Variants in LAMP2 observed in about 807,000 individuals in gnomAD.
The protein encoded by LAMP2 is lysosome-associated membrane glycoprotein 2.
A neutral mutation model predicts 25.6 loss-of-function variants in LAMP2; 4 were observed. The ratio of observed to expected loss-of-function variants is 0.16; its 90% CI spans 0.08 to 0.36. The LOEUF is 0.36. LAMP2 is among the 10% of genes least tolerant of loss of function. The pLI is 1.00. For missense variants in LAMP2, 272 were observed against 301.4 expected, an observed-to-expected ratio of 0.90 and a Z score of 0.72; for synonymous variants, 108 against 112.7, an observed-to-expected ratio of 0.96 and a Z score of 0.27.
intron 8 of LAMP2, among the ~76,000 whole-genome samples, chrX:120,434,457 TTTAG>T (rs72078980): frequency 0.012 from 1,305 of 112,198 alleles, 21 homozygotes; most frequent in African/African-American, 0.04. Flanking sequence ...TTAAAAATTA[TTTAG>T]TTAATGGAAA....
At chrX:120,437,512 CA>C in intron 8 of LAMP2, 1 of 750,768 alleles carries the variant, frequency 1.3e-6, no homozygotes, top group Non-Finnish European at 1.6e-6. Flanking sequence ...CAACACACAC[CA>C]AAAAAGTTCT....
At chrX:120,462,567 C>T (rs911294601) in intron 1 of LAMP2, among the ~76,000 whole-genome samples, 14 of 108,903 alleles carry the variant, frequency 1.3e-4, no homozygotes, top group Non-Finnish European at 2.1e-4. Flanking sequence ...CCTTACTTCC[C>T]CAAGTGTATG....
At chrX:120,435,053 C>T (rs2058537404) in intron 8 of LAMP2, among the ~76,000 whole-genome samples, 1 of 111,272 alleles carries the variant, frequency 9.0e-6, no homozygotes, top group African/African-American at 3.3e-5. Flanking sequence ...TTGCTTGAAC[C>T]TGGGAGGCGG....
At chrX:120,443,494 G>A (rs865810448) in intron 6 of LAMP2, among the ~76,000 whole-genome samples, 59 of 112,081 alleles carry the variant, frequency 5.3e-4, no homozygotes, top group African/African-American at 1.8e-3. Context: ...TGCAATAGGT[G>A]CTGTTATCAT....
At position 120,428,801 on chromosome X, in the gene LAMP2, G is replaced by A. The variant is rs758046468; in HGVS notation, c.*2522C>T. 10 of 749,948 alleles carry A rather than the reference G, an allele frequency of 1.3e-5. No homozygotes were observed. In the Admixed American group the frequency reaches 7.2e-4, roughly 54 times the overall value. The allele number at this position is 749,948 out of a possible 1,213,427, so 61.8% of individuals were successfully genotyped here. On this transcript the variant is annotated 3_prime_UTR_variant, in exon 9 of 9. Coordinates refer to ENST00000200639, the MANE Select transcript of LAMP2 (RefSeq NM_002294.3). Reference sequence around the variant, plus strand: ...ATTATCACTTTATCTAAAATCACACGAAATTCCTCAGTACGAAAAGCAGAA... The same window carrying A: ...ATTATCACTTTATCTAAAATCACACAAAATTCCTCAGTACGAAAAGCAGAA...
rs777318951 is a variant in LAMP2, at chrX:120,459,016, T to G, written c.65-2247A>C. 7.1e-5 allele frequency among the ~76,000 whole-genome samples: 8 copies of G among 112,090 alleles called. No homozygotes were observed. The South Asian group carries it at 3.0e-3, about 42-fold the overall frequency. ...TTCCCATATGAAATTTAAATTCCTC[T>G]GCCTGACTTTCAAAGTAATCTTTAA... On this transcript the variant is annotated intron_variant, in intron 1 of 8. Transcript: ENST00000200639.
chrX:120,469,058 G>A, intron 1 of LAMP2, 48 bp downstream of exon 1: 1 of 1,154,442 alleles, frequency 8.7e-7, no homozygotes. Context: ...TTGAACTGGT[G>A]CCCCGGGCCC....
chrX:120,458,533 A>T (rs949937062), intron 1 of LAMP2, among the ~76,000 whole-genome samples: 1 of 111,731 alleles, frequency 9.0e-6, no homozygotes, highest in African/African-American at 3.3e-5. Flanking sequence ...GGGTTCTGGC[A>T]CACTCTGTTC....
intron 4 of LAMP2, among the ~76,000 whole-genome samples, 161 bp from the exon 5 acceptor site, chrX:120,448,186 G>T (rs1214819674): frequency 1.8e-5 from 2 of 112,308 alleles, no homozygotes; most frequent in Non-Finnish European, 3.8e-5. Flanking sequence ...TTAGGCAGAG[G>T]TTCTTAAACT....
chrX:120,443,766 G>A (rs2058584045), intron 6 of LAMP2, among the ~76,000 whole-genome samples: 1 of 111,786 alleles, frequency 8.9e-6, no homozygotes, highest in Non-Finnish European at 1.9e-5. Context: ...CAGACCATGA[G>A]GTCAGGAGAT....
chrX:120,463,388 A>G (rs1921399617), intron 1 of LAMP2, among the ~76,000 whole-genome samples: 1 of 112,223 alleles, frequency 8.9e-6, no homozygotes, highest in African/African-American at 3.2e-5. Flanking sequence ...GGGTAAGGAA[A>G]CAAGATTCAA....
In LAMP2 at chrX:120,428,877, T is replaced by A. The variant is rs992912231; in HGVS notation, c.*2446A>T. ...AAAATAGAGAATTGCGCTTGCCTAA[T>A]ATGGGAAGACTTTAGGTTTGATTAT... On this transcript the variant is annotated 3_prime_UTR_variant, in exon 9 of 9. Transcript: ENST00000200639. The A allele has an allele frequency of 8.0e-6, 6 of 749,797 alleles. No homozygotes were observed. The East Asian group carries it at 4.6e-4, about 57-fold the overall frequency. 61.8% of individuals were successfully genotyped at this position (749,797 alleles called of 1,213,427 possible). A position where few individuals can be genotyped will look rare whatever the true frequency, so the allele number is the denominator to read the frequency against.
At chrX:120,465,601 T>C (rs940976028) in intron 1 of LAMP2, among the ~76,000 whole-genome samples, 1 of 112,032 alleles carries the variant, frequency 8.9e-6, no homozygotes. Context: ...TCTGTACTTA[T>C]TCTAAAGCTG....
chrX:120,463,915 GTTTT>G (rs1221202178), intron 1 of LAMP2, among the ~76,000 whole-genome samples: 1 of 96,733 alleles, frequency 1.0e-5, no homozygotes, highest in Non-Finnish European at 2.0e-5. Flanking sequence ...TCTGTTTTTC[GTTTT>G]TTTTTTGTTT....
At chrX:120,460,310 G>A in intron 1 of LAMP2, among the ~76,000 whole-genome samples, 2 of 110,622 alleles carry the variant, frequency 1.8e-5, no homozygotes, top group Middle Eastern at 4.6e-3. Context: ...GGAAGAGGAG[G>A]GGTTGGTCTT....
chrX:120,469,145 C>G lies in LAMP2; in HGVS notation c.25G>C (p.Val9Leu), dbSNP rs1921665698. 2 of 1,212,238 alleles carry G rather than the reference C, an allele frequency of 1.6e-6. No individual in the cohort carries two copies. The highest frequency in any genetic ancestry group is 2.2e-6 in the Non-Finnish European group (2 of 895,604). ...ACCAGAACGAGCCCTGAGCCCGGAA[C>G]CGGGAAGAGGCGGAAGCACACCATG... MVCFRLFP[V>L]PGSGLVLVCL... Residue 9 changes from valine to leucine, a missense_variant, in exon 1 of 9, where the codon GTT (valine) becomes CTT (leucine). By Grantham distance (32) the Val-to-Leu change is conservative. Transcript: ENST00000200639.
chrX:120,437,841 G>A (rs2058552141), intron 8 of LAMP2: 4 of 734,785 alleles, frequency 5.4e-6, no homozygotes, highest in South Asian at 6.9e-5. Flanking sequence ...TGCAAGTTTT[G>A]TTTGTTTGTT....
At position 120,426,305 on chromosome X, in the gene LAMP2, T is replaced by C. The variant is rs980320947; in HGVS notation, c.*5018A>G. 1.9e-5 allele frequency among the ~76,000 whole-genome samples: 2 copies of C among 105,087 alleles called. No homozygotes were observed. The highest frequency in any genetic ancestry group is 3.9e-5 in the Non-Finnish European group (2 of 51,296). 91.3% of individuals were successfully genotyped at this position (105,087 alleles called of 115,157 possible). On this transcript the variant is annotated 3_prime_UTR_variant, in exon 9 of 9. Coordinates refer to ENST00000200639, the MANE Select transcript of LAMP2 (RefSeq NM_002294.3). ...AACTTTAGTTAGCAGCAAGCATCAG[T>C]TCTTCCAAAGCAGCTTAGGTGAAAA...
intron 1 of LAMP2, among the ~76,000 whole-genome samples, chrX:120,459,465 A>G (rs1921233024): frequency 8.9e-6 from 1 of 112,425 alleles, no homozygotes; most frequent in South Asian, 3.6e-4. Context: ...GGAGGGAGAC[A>G]GGTGTGGAGT....
Sources: allele counts gnomAD v4.1 joint callset (sites outside exome capture counted in the v4.1 genomes callset), GRCh38; gene constraint gnomAD v4.1.1; transcripts MANE v1.5; gene names NCBI Gene and HGNC (gene_info 2026-07-23, HGNC 2026-07-21).